CD302: variants seen among roughly 807,000 people sequenced by gnomAD.
The protein encoded by CD302 is CD302 antigen.
A neutral mutation model predicts 26.5 loss-of-function variants in CD302; 23 were observed. That is an observed-to-expected ratio of 0.87 (90% CI 0.62 to 1.23). The LOEUF (loss-of-function observed/expected upper bound fraction) is 1.23. Among genes scored for constraint, CD302 ranks in the 50% most tolerant of loss-of-function variants. The pLI, the probability that CD302 is intolerant of heterozygous loss-of-function variation, is 0.00. For synonymous variants in CD302, 90 were observed against 99.4 expected (o/e 0.91, Z 0.56); for missense variants, 290 against 275.5 (o/e 1.05, Z -0.37).
At chr2:159,773,232 C>T (rs369225455) in intron 5 of CD302, among the ~76,000 whole-genome samples, 33 of 152,232 alleles carry the variant, frequency 2.2e-4, no homozygotes, top group African/African-American at 5.8e-4. Context: ...CAGGTTGGTC[C>T]GAAACCCCTG....
At chr2:159,792,698 C>T (rs760132030) in intron 1 of CD302, among the ~76,000 whole-genome samples, 5 of 151,988 alleles carry the variant, frequency 3.3e-5, no homozygotes, top group Non-Finnish European at 5.9e-5. Flanking sequence ...GATATAGCCC[C>T]ATTCTAAGTC....
intron 1 of CD302, among the ~76,000 whole-genome samples, chr2:159,788,860 T>C (rs758249256): frequency 1.3e-5 from 2 of 152,214 alleles, no homozygotes; most frequent in Non-Finnish European, 2.9e-5. Flanking sequence ...CTCTCTTCCC[T>C]TTCTGGGACC....
intron 1 of CD302, among the ~76,000 whole-genome samples, chr2:159,787,640 A>G (rs1357495744): frequency 1.3e-5 from 2 of 152,032 alleles, no homozygotes; most frequent in Non-Finnish European, 2.9e-5. Context: ...TTGTTTTATT[A>G]CTGTTTTGCC....
chr2:159,791,571 G>T (rs1044481723), intron 1 of CD302, among the ~76,000 whole-genome samples: 1 of 152,112 alleles, frequency 6.6e-6, no homozygotes. Context: ...TTAACGCCAC[G>T]ACAGCAGAGA....
intron 5 of CD302, among the ~76,000 whole-genome samples, chr2:159,777,381 G>A (rs1163582505): frequency 3.3e-5 from 5 of 152,216 alleles, no homozygotes. Flanking sequence ...ATCATGGGAT[G>A]AACATGGAGC....
chr2:159,779,940 T>C, intron 4 of CD302, 65 bp downstream of exon 4: 1 of 1,536,306 alleles, frequency 6.5e-7, no homozygotes, highest in South Asian at 1.3e-5. Flanking sequence ...CTCAAAATTA[T>C]TTTAAAACCA....
At chr2:159,790,247 G>A (rs1330662909) in intron 1 of CD302, among the ~76,000 whole-genome samples, 1 of 152,174 alleles carries the variant, frequency 6.6e-6, no homozygotes, top group Non-Finnish European at 1.5e-5. Flanking sequence ...GGTAGGATAG[G>A]TAAAATGCTA....
At chr2:159,784,788 G>C (rs2125806464) in intron 1 of CD302, among the ~76,000 whole-genome samples, 1 of 152,256 alleles carries the variant, frequency 6.6e-6, no homozygotes, top group Admixed American at 6.5e-5. Flanking sequence ...GAATATGGCA[G>C]AGAGCATTGG....
intron 4 of CD302, among the ~76,000 whole-genome samples, chr2:159,779,054 A>AC: frequency 6.6e-6 from 1 of 151,800 alleles, no homozygotes; most frequent in South Asian, 2.1e-4. Flanking sequence ...ATATGGTGAA[A>AC]CCCCATCTCT....
At chr2:159,778,065 G>C in intron 4 of CD302, 101 bp from the exon 5 acceptor site, 1 of 419,464 alleles carries the variant, frequency 2.4e-6, no homozygotes, top group Non-Finnish European at 3.9e-6. Context: ...CCTTTTATTA[G>C]TAGCTTAATA....
At position 159,769,901 on chromosome 2, in the gene CD302, C is replaced by T. The variant is rs1708079947; in HGVS notation, c.*1950G>A. ...GTTGCCCAGTACAGTAGCCACTAAC[C>T]ACCTGTGATTTGAACACTTGACAAT... On this transcript the variant is annotated 3_prime_UTR_variant, in exon 6 of 6. Coordinates refer to ENST00000259053, the MANE Select transcript of CD302 (RefSeq NM_014880.5). 6.6e-6 allele frequency: 1 copy of T among 152,156 alleles called. No individual in the cohort carries two copies. Among genetic ancestry groups the T allele is most frequent in the Non-Finnish European group, 1.5e-5 (1 of 68,014 alleles). 9.4% of individuals were successfully genotyped at this position (152,156 alleles called of 1,614,324 possible).
intron 1 of CD302, among the ~76,000 whole-genome samples, chr2:159,792,131 T>A (rs1184428715): frequency 6.6e-6 from 1 of 152,176 alleles, no homozygotes; most frequent in East Asian, 1.9e-4. Flanking sequence ...AACACTGAAC[T>A]GGAGCTGAAA....
intron 3 of CD302, 122 bp downstream of exon 3, chr2:159,780,760 A>AAAAT: frequency 1.1e-6 from 1 of 893,650 alleles, no homozygotes; most frequent in Non-Finnish European, 1.8e-6. Context: ...TGCACACTGA[A>AAAAT]AATTTAACAC....
intron 2 of CD302, among the ~76,000 whole-genome samples, chr2:159,781,912 T>C (rs965066810): frequency 5.9e-5 from 9 of 152,214 alleles, no homozygotes; most frequent in Non-Finnish European, 1.3e-4. Context: ...GATTAAGGTA[T>C]CCCTAGTACA....
intron 5 of CD302, among the ~76,000 whole-genome samples, chr2:159,774,443 C>T (rs992372987): frequency 1.3e-5 from 2 of 152,136 alleles, no homozygotes; most frequent in Admixed American, 1.3e-4. Flanking sequence ...ATCTGAGGCC[C>T]GAACTATACA....
chr2:159,791,264 A>G (rs1224845683), intron 1 of CD302, among the ~76,000 whole-genome samples: 1 of 152,252 alleles, frequency 6.6e-6, no homozygotes, highest in Non-Finnish European at 1.5e-5. Context: ...AAGAAAACTG[A>G]GGATACTATC....
At chr2:159,777,027 C>T (rs1708355017) in intron 5 of CD302, among the ~76,000 whole-genome samples, 1 of 151,456 alleles carries the variant, frequency 6.6e-6, no homozygotes, top group Non-Finnish European at 1.5e-5. Context: ...GAGGCTGAGG[C>T]GGGTGGATCC....
intron 5 of CD302, among the ~76,000 whole-genome samples, chr2:159,774,581 GC>G (rs781459658): frequency 1.3e-5 from 2 of 152,184 alleles, no homozygotes; most frequent in Non-Finnish European, 2.9e-5. Flanking sequence ...GTAAGTGACA[GC>G]AAAAATTCAA....
intron 5 of CD302, 51 bp downstream of exon 5, chr2:159,777,887 T>C (rs1377093060): frequency 2.2e-6 from 2 of 908,660 alleles, no homozygotes; most frequent in African/African-American, 1.7e-5. Flanking sequence ...TGCCAGAATT[T>C]TGATATATTT....
Sources: gnomAD v4.1 joint callset for allele counts (sites outside exome capture counted in the v4.1 genomes callset) on GRCh38, gnomAD v4.1.1 for gene constraint, MANE v1.5 for transcripts, NCBI Gene and HGNC (gene_info 2026-07-23, HGNC 2026-07-21) for gene names.